The following DAB1 variants were observed in gnomAD, a reference collection of about 807,000 sequenced individuals.
DAB1 encodes the protein disabled homolog 1.
Under a neutral mutation model 64.6 loss-of-function variants are expected in DAB1, and 15 were observed. The observed-to-expected ratio is 0.23, with a 90% CI of 0.16 to 0.36. The LOEUF is 0.36. Among genes scored for constraint, DAB1 ranks in the 10% least tolerant of loss-of-function variants. The pLI is 1.00. For synonymous variants in DAB1, 235 were observed against 251.9 expected (o/e 0.93, Z 0.64); for missense variants, 596 against 706.7 (o/e 0.84, Z 1.78).
At chr1:57,839,124 T>G (rs1652939815) in intron 1 of DAB1, among the ~76,000 whole-genome samples, 1 of 152,284 alleles carries the variant, frequency 6.6e-6, no homozygotes, top group East Asian at 1.9e-4. Context: ...CAAGATTGTC[T>G]GGAGGATTTC....
chr1:57,771,602 C>T (rs1649565265), intron 6 of DAB1, among the ~76,000 whole-genome samples: 1 of 152,084 alleles, frequency 6.6e-6, no homozygotes. Context: ...ATTTATATGA[C>T]ATGAAATGAG....
At chr1:58,296,909 A>C (rs1662008484) in intron 4 of DAB1, among the ~76,000 whole-genome samples, 1 of 152,238 alleles carries the variant, frequency 6.6e-6, no homozygotes, top group Non-Finnish European at 1.5e-5. Flanking sequence ...AGGGTTGTCC[A>C]GAGAAGCATA....
intron 1 of DAB1, among the ~76,000 whole-genome samples, chr1:57,302,609 A>G (rs984702471): frequency 6.6e-6 from 1 of 150,378 alleles, no homozygotes; most frequent in East Asian, 1.9e-4. Flanking sequence ...TTTTTTTTTT[A>G]TTTTATGTTT....
At chr1:58,376,616 G>T (rs1408929675) in intron 3 of DAB1, among the ~76,000 whole-genome samples, 1 of 147,160 alleles carries the variant, frequency 6.8e-6, no homozygotes, top group Non-Finnish European at 1.5e-5. Context: ...GTCAATTTTT[G>T]AATAGGTGTG....
intron 5 of DAB1, among the ~76,000 whole-genome samples, chr1:57,993,215 T>C (rs146715776): frequency 1.3e-5 from 2 of 152,264 alleles, no homozygotes; most frequent in East Asian, 1.9e-4. Context: ...ACGGAATGCA[T>C]GGGTATTTCA....
At chr1:57,117,797 A>C (rs1220570215) in intron 4 of DAB1, among the ~76,000 whole-genome samples, 1 of 151,192 alleles carries the variant, frequency 6.6e-6, no homozygotes, top group East Asian at 2.0e-4. Context: ...CACACTGAAA[A>C]TATTTCTAAA....
At chr1:57,908,093 T>C (rs1417356846) in intron 5 of DAB1, among the ~76,000 whole-genome samples, 1 of 152,134 alleles carries the variant, frequency 6.6e-6, no homozygotes, top group East Asian at 1.9e-4. Flanking sequence ...AATCCATCAT[T>C]GCCTGAAACG....
intron 9 of DAB1, among the ~76,000 whole-genome samples, chr1:57,034,865 C>A (rs999332183): frequency 1.3e-5 from 2 of 152,136 alleles, no homozygotes; most frequent in African/African-American, 4.8e-5. Context: ...TTTGCTTTCA[C>A]CCTGTCTATA....
At chr1:58,425,267 C>A (rs922627113) in intron 3 of DAB1, among the ~76,000 whole-genome samples, 19 of 152,278 alleles carry the variant, frequency 1.2e-4, no homozygotes, top group Admixed American at 8.5e-4. Flanking sequence ...TTCTGGACTG[C>A]CAGAAAGTCC....
intron 1 of DAB1, among the ~76,000 whole-genome samples, chr1:57,384,544 C>A (rs751309414): frequency 4.6e-5 from 7 of 152,112 alleles, no homozygotes; most frequent in Non-Finnish European, 1.0e-4. Context: ...ATGGATAAAC[C>A]AAGTGTGATA....
intron 4 of DAB1, among the ~76,000 whole-genome samples, chr1:58,178,185 C>A (rs1240338578): frequency 6.6e-6 from 1 of 152,208 alleles, no homozygotes; most frequent in African/African-American, 2.4e-5. Context: ...TCCAATCACA[C>A]TCAACCTGAA....
At chr1:57,925,070 G>A (rs927210244) in intron 5 of DAB1, among the ~76,000 whole-genome samples, 3 of 152,144 alleles carry the variant, frequency 2.0e-5, no homozygotes, top group Non-Finnish European at 4.4e-5. Context: ...GTTAAATACA[G>A]AATAATGGGC....
chr1:57,805,639 T>C (rs914062662), intron 6 of DAB1, among the ~76,000 whole-genome samples: 11 of 152,202 alleles, frequency 7.2e-5, no homozygotes, highest in Non-Finnish European at 1.5e-4. Context: ...TCTGGAAATA[T>C]AGACTTGCAC....
chr1:58,486,247 T>A (rs1645574139), intron 3 of DAB1, among the ~76,000 whole-genome samples: 1 of 152,204 alleles, frequency 6.6e-6, no homozygotes, highest in Non-Finnish European at 1.5e-5. Flanking sequence ...ACATCCAACA[T>A]CTAGGAGATA....
chr1:57,193,908 T>C (rs1289195592), intron 2 of DAB1, among the ~76,000 whole-genome samples: 2 of 152,248 alleles, frequency 1.3e-5, no homozygotes, highest in Non-Finnish European at 2.9e-5. Flanking sequence ...TTAACCTGTC[T>C]ATACCTCCAT....
chr1:57,729,536 A>AT (rs1475545267), intron 6 of DAB1, among the ~76,000 whole-genome samples: 1 of 152,364 alleles, frequency 6.6e-6, no homozygotes, highest in South Asian at 2.1e-4. Context: ...AGCCACATAA[A>AT]TGACAGAGCA....
At chr1:58,431,278 G>A (rs374808059) in intron 3 of DAB1, among the ~76,000 whole-genome samples, 1 of 152,118 alleles carries the variant, frequency 6.6e-6, no homozygotes, top group Admixed American at 6.6e-5. Context: ...GGAAAGCAAA[G>A]GCACTTAAAA....
At chr1:57,068,032 C>T (rs1651092664) in intron 8 of DAB1, among the ~76,000 whole-genome samples, 1 of 152,170 alleles carries the variant, frequency 6.6e-6, no homozygotes, top group South Asian at 2.1e-4. Context: ...CTTTCCAGTA[C>T]ACTAGGATGT....
intron 7 of DAB1, among the ~76,000 whole-genome samples, chr1:57,534,207 A>G (rs1380778908): frequency 6.6e-6 from 1 of 152,156 alleles, no homozygotes; most frequent in Non-Finnish European, 1.5e-5. Flanking sequence ...ACTTCAGAAG[A>G]AGTGGCTCTG....
Sources: allele counts gnomAD v4.1 joint callset (sites outside exome capture counted in the v4.1 genomes callset), GRCh38; gene constraint gnomAD v4.1.1; transcripts MANE v1.5; gene names NCBI Gene and HGNC (gene_info 2026-07-23, HGNC 2026-07-21).